The following MEOX2 variants were observed in gnomAD, a reference collection of about 807,000 sequenced individuals.
MEOX2 encodes homeobox protein MOX-2.
MEOX2 carries 11 observed loss-of-function variants against 27.0 expected under a neutral mutation model. That is an observed-to-expected ratio of 0.41 (90% CI 0.26 to 0.68). MEOX2 has a LOEUF of 0.68. Among genes scored for constraint, MEOX2 ranks in the 30% least tolerant of loss-of-function variants. The pLI, the probability that MEOX2 is intolerant of heterozygous loss-of-function variation, is 0.33. For missense variants in MEOX2, 436 were observed against 385.4 expected, an observed-to-expected ratio of 1.13 and a Z score of -1.10; for synonymous variants, 189 against 155.4, an observed-to-expected ratio of 1.22 and a Z score of -1.61.
At chr7:15,621,864 AT>A in intron 2 of MEOX2, among the ~76,000 whole-genome samples, 1 of 152,324 alleles carries the variant, frequency 6.6e-6, no homozygotes, top group Non-Finnish European at 1.5e-5. Flanking sequence ...CAAGCCCGTA[AT>A]CTCAGCACTT....
At chr7:15,651,412 T>G (rs1201379447) in intron 1 of MEOX2, among the ~76,000 whole-genome samples, 2 of 152,150 alleles carry the variant, frequency 1.3e-5, no homozygotes, top group African/African-American at 4.8e-5. Context: ...AAAATTGCAA[T>G]GCAATACTAT....
intron 1 of MEOX2, among the ~76,000 whole-genome samples, chr7:15,630,754 T>A (rs182808990): frequency 6.6e-6 from 1 of 152,168 alleles, no homozygotes; most frequent in Admixed American, 6.6e-5. Flanking sequence ...GCATAGGGAT[T>A]GTGGATGGAG....
intron 1 of MEOX2, among the ~76,000 whole-genome samples, chr7:15,666,870 C>T (rs755415903): frequency 1.9e-4 from 28 of 145,496 alleles, no homozygotes; most frequent in Non-Finnish European, 3.9e-4. Context: ...GCACAGGATT[C>T]CAGGAACCCA....
rs1583731292 is a variant in MEOX2 at position 15,612,228 on chromosome 7, G to A, written c.*159C>T. The A allele has an allele frequency of 7.7e-6, 5 of 652,112 alleles. No homozygotes were observed. The East Asian group carries it at 1.1e-4, about 14-fold the overall frequency. 40.4% of individuals were successfully genotyped at this position (652,112 alleles called of 1,614,324 possible). ...AGCTCTTTAATAAGTGGCACTTTGT[G>A]TAAACCCTCTATAAATCATGAAAAA... On this transcript the variant is annotated 3_prime_UTR_variant, in exon 3 of 3. Coordinates refer to ENST00000262041, the MANE Select transcript of MEOX2 (RefSeq NM_005924.5).
chr7:15,654,800 T>A (rs1256213509), intron 1 of MEOX2, among the ~76,000 whole-genome samples: 1 of 151,736 alleles, frequency 6.6e-6, no homozygotes, highest in African/African-American at 2.4e-5. Context: ...GCTATTATTT[T>A]AAGAATTTTA....
chr7:15,664,314 G>C (rs185230942), intron 1 of MEOX2, among the ~76,000 whole-genome samples: 153 of 152,166 alleles, frequency 1.0e-3, no homozygotes, highest in Non-Finnish European at 1.9e-3. Context: ...TAGTTGTTGT[G>C]GCATTTGGCT....
intron 2 of MEOX2, among the ~76,000 whole-genome samples, chr7:15,613,417 T>C (rs10271513): frequency 8.6e-4 from 130 of 151,058 alleles, no homozygotes; most frequent in African/African-American, 3.1e-3. Context: ...CAAACAGACA[T>C]TAAAGGTCTA....
At chr7:15,660,551 A>G (rs1242473053) in intron 1 of MEOX2, among the ~76,000 whole-genome samples, 1 of 152,158 alleles carries the variant, frequency 6.6e-6, no homozygotes, top group Non-Finnish European at 1.5e-5. Context: ...ACTAGATGCC[A>G]GTAGAACTAT....
At position 15,612,179 on chromosome 7, in the gene MEOX2, C is replaced by G; in HGVS notation, c.*208G>C. 1.7e-6 allele frequency: 1 copy of G among 589,660 alleles called. No homozygotes were observed. The highest frequency in any genetic ancestry group is 2.1e-5 in the South Asian group (1 of 47,490). 36.5% of individuals were successfully genotyped at this position (589,660 alleles called of 1,614,324 possible). A position where few individuals can be genotyped will look rare whatever the true frequency, so the allele number is the denominator to read the frequency against. On this transcript the variant is annotated 3_prime_UTR_variant, in exon 3 of 3. Transcript: ENST00000262041. ...ACATCTGGAATATTCAAAGCAAGTT[C>G]ACCTTCTCCATCTTCACTGTGGAAG...
At chr7:15,654,887 T>C (rs1024909068) in intron 1 of MEOX2, among the ~76,000 whole-genome samples, 1 of 151,764 alleles carries the variant, frequency 6.6e-6, no homozygotes. Flanking sequence ...ATTACAATAA[T>C]ACTATCTTTA....
intron 1 of MEOX2, among the ~76,000 whole-genome samples, chr7:15,670,103 T>C (rs929213335): frequency 6.6e-6 from 1 of 152,208 alleles, no homozygotes; most frequent in African/African-American, 2.4e-5. Flanking sequence ...ACTTCCATTG[T>C]TATGTTGTGC....
At chr7:15,673,355 C>T (rs953401883) in intron 1 of MEOX2, among the ~76,000 whole-genome samples, 7 of 151,392 alleles carry the variant, frequency 4.6e-5, no homozygotes, top group Non-Finnish European at 1.0e-4. Context: ...TGTAACCATC[C>T]ACATTTTAAT....
At chr7:15,622,337 C>A in intron 2 of MEOX2, among the ~76,000 whole-genome samples, 1 of 151,890 alleles carries the variant, frequency 6.6e-6, no homozygotes. Context: ...ATAAAATGAG[C>A]CTATGAGTCC....
chr7:15,615,796 A>T (rs1781115359), intron 2 of MEOX2, among the ~76,000 whole-genome samples: 1 of 152,084 alleles, frequency 6.6e-6, no homozygotes, highest in Non-Finnish European at 1.5e-5. Flanking sequence ...ATATGTCATG[A>T]TCATCATCAT....
chr7:15,632,996 G>A (rs1583752833), intron 1 of MEOX2, among the ~76,000 whole-genome samples: 1 of 151,902 alleles, frequency 6.6e-6, no homozygotes, highest in African/African-American at 2.4e-5. Flanking sequence ...TTGACATAAA[G>A]CATTCCATTC....
At chr7:15,618,452 A>G (rs574136233) in intron 2 of MEOX2, among the ~76,000 whole-genome samples, 1 of 152,140 alleles carries the variant, frequency 6.6e-6, no homozygotes, top group South Asian at 2.1e-4. Context: ...TGTTCAAACT[A>G]CTGAGACCAA....
chr7:15,640,345 A>G (rs764489977), intron 1 of MEOX2, among the ~76,000 whole-genome samples: 2 of 151,968 alleles, frequency 1.3e-5, no homozygotes, highest in Non-Finnish European at 2.9e-5. Context: ...CTGTTGTTGT[A>G]TACAATGAAA....
intron 1 of MEOX2, chr7:15,681,910 T>A (rs1043993865): frequency 6.6e-5 from 10 of 151,838 alleles, no homozygotes; most frequent in Non-Finnish European, 1.2e-4. Context: ...TTGGAAACTA[T>A]TCCTACTTTT....
At chr7:15,642,249 C>T (rs1213447955) in intron 1 of MEOX2, among the ~76,000 whole-genome samples, 1 of 152,158 alleles carries the variant, frequency 6.6e-6, no homozygotes, top group African/African-American at 2.4e-5. Flanking sequence ...GGAGAGCCTT[C>T]AAGTCACAGG....
Sources: allele counts gnomAD v4.1 joint callset (sites outside exome capture counted in the v4.1 genomes callset), GRCh38; gene constraint gnomAD v4.1.1; transcripts MANE v1.5; gene names NCBI Gene and HGNC (gene_info 2026-07-23, HGNC 2026-07-21).